Variants in ZNF576 observed in about 807,000 individuals in gnomAD.
The protein encoded by ZNF576 is zinc finger protein 576.
In ZNF576, 9 loss-of-function variants were observed where a neutral mutation model predicts 10.8. That is an observed-to-expected ratio of 0.84 (90% CI 0.50 to 1.46). The LOEUF is 1.46. ZNF576 is among the 40% of genes most tolerant of loss of function. The probability of loss-of-function intolerance (pLI) is 0.00; values close to 1 mark genes in which losing one functional copy is unlikely to be tolerated. For missense variants in ZNF576, 191 were observed against 233.7 expected (o/e 0.82, Z 1.19); for synonymous variants, 88 against 89.6 (o/e 0.98, Z 0.10).
In ZNF576 at chr19:43,599,358, C is replaced by T; in HGVS notation, c.*100C>T. ...AACTCTGGGGGCCCTGAAGGATTTG[C>T]TTCCCTCCCCTGGGAAGGCAGAGGG... On this transcript the variant is annotated 3_prime_UTR_variant, in exon 3 of 3. Coordinates refer to ENST00000336564, the MANE Select transcript of ZNF576 (RefSeq NM_001145347.2). The T allele has an allele frequency of 3.9e-6, 5 of 1,267,028 alleles. No individual in the cohort carries two copies. Among genetic ancestry groups the T allele is most frequent in the African/African-American group, 1.5e-5 (1 of 66,902 alleles). The allele number at this position is 1,267,028 out of a possible 1,614,324, so 78.5% of individuals were successfully genotyped here.
In ZNF576 at chr19:43,599,235, C is replaced by T. The variant is rs764776830; in HGVS notation, c.490C>T (p.Arg164Trp). The T allele has an allele frequency of 3.1e-6, 5 of 1,613,848 alleles. No homozygotes were observed. Among genetic ancestry groups the T allele is most frequent in the Middle Eastern group, 1.7e-4 (1 of 6,060 alleles). Residue 164 changes from arginine to tryptophan, a missense_variant, in exon 3 of 3, where the codon CGG becomes TGG. Transcript: ENST00000336564. ...QEAGLHQHYI[R>W]HARGEL ...AGCAGGGCTGCATCAACACTACATT[C>T]GGCATGCCCGGGGGGAGCTCTGAGT...
Position 43,599,014 on chromosome 19 carries a change from A to G in ZNF576, c.269A>G (p.Gln90Arg). The G allele has an allele frequency of 6.2e-7, 1 of 1,614,150 alleles. No individual in the cohort carries two copies. Among genetic ancestry groups the G allele is most frequent in the Non-Finnish European group, 8.5e-7 (1 of 1,180,026 alleles). ...FPSSKALITH[Q>R]RSHGPAAKPT... ...TCCTCCAAAGCCCTAATCACCCACC[A>G]GCGCAGCCACGGTCCAGCCGCCAAG... The change falls in exon 3 of 3, where the codon CAG becomes CGG. Residue 90 changes from glutamine (Q) to arginine (R), a missense_variant. Gln to Arg is a conservative substitution (Grantham distance 43). Coordinates refer to ENST00000336564, the MANE Select transcript of ZNF576 (RefSeq NM_001145347.2).
chr19:43,597,075 ACGCT>A lies in ZNF576; in HGVS notation c.-15-17_-15-14del. On this transcript the variant is annotated splice_polypyrimidine_tract_variant and intron_variant, in intron 1 of 2. Coordinates refer to ENST00000336564, the MANE Select transcript of ZNF576 (RefSeq NM_001145347.2). ...AACAGATGAACAGCTTCACTTATGC[ACGCT>A]CCTCTCCTGACTAGAAGGGTCCCAG... 6.2e-7 allele frequency: 1 copy of A among 1,609,762 alleles called. No individual in the cohort carries two copies. The highest frequency in any genetic ancestry group is 8.5e-7 in the Non-Finnish European group (1 of 1,176,180).
In ZNF576 at chr19:43,598,922, G is replaced by A. The variant is rs752687104; in HGVS notation, c.177G>A (p.Ala59=). The A allele has an allele frequency of 3.7e-6, 6 of 1,613,456 alleles. No individual in the cohort carries two copies. The highest frequency in any genetic ancestry group is 1.7e-4 in the Middle Eastern group (1 of 6,056). The change falls in exon 3 of 3, where the codon GCG becomes GCA. Residue 59 remains alanine (A), a synonymous_variant. Coordinates refer to ENST00000336564, the MANE Select transcript of ZNF576 (RefSeq NM_001145347.2). ...GTCACATGAAGCGGGAGCACCCAGC[G>A]GACTTCGTGGCCCAGAAGCTGCAGG... is the stretch of plus-strand genomic sequence containing the variant. ...QERHMKREHP[A]DFVAQKLQGV...
At chr19:43,597,790 TGAGGCA>T (rs1481500829) in intron 2 of ZNF576, among the ~76,000 whole-genome samples, 1 of 152,158 alleles carries the variant, frequency 6.6e-6, no homozygotes, top group Non-Finnish European at 1.5e-5. Flanking sequence ...AACTGGGAAC[TGAGGCA>T]GAGAGAGGTA....
intron 2 of ZNF576, chr19:43,597,534 A>C (rs2146104347): frequency 4.5e-6 from 1 of 223,436 alleles, no homozygotes; most frequent in South Asian, 5.8e-5. Context: ...CTAGACTTTC[A>C]GTGTAACTTG....
intron 2 of ZNF576, chr19:43,597,480 T>C (rs1428094761): frequency 3.1e-6 from 1 of 321,142 alleles, no homozygotes; most frequent in Non-Finnish European, 6.0e-6. Flanking sequence ...CTGGGAATGG[T>C]TCTATTGGGA....
intron 2 of ZNF576, chr19:43,597,425 G>C (rs745588924): frequency 4.3e-6 from 2 of 466,088 alleles, no homozygotes; most frequent in Non-Finnish European, 7.9e-6. Context: ...TATGCATTCA[G>C]AGGGATAGGG....
In ZNF576 at chr19:43,600,541, G is replaced by A. The variant is rs1220858347; in HGVS notation, c.*1283G>A. ...GACTGATTTCTGGCTAAATTCCTGG[G>A]TAGAACAGTCAAGCTTAAGAAAGGG... On this transcript the variant is annotated 3_prime_UTR_variant, in exon 3 of 3. Coordinates refer to ENST00000336564, the MANE Select transcript of ZNF576 (RefSeq NM_001145347.2). 1 of 152,212 alleles carries A rather than the reference G, an allele frequency of 6.6e-6. No homozygotes were observed. The highest frequency in any genetic ancestry group is 2.4e-5 in the African/African-American group (1 of 41,446). The allele number at this position is 152,212 out of a possible 1,614,324, so 9.4% of individuals were successfully genotyped here. A position where few individuals can be genotyped will look rare whatever the true frequency, so the allele number is the denominator to read the frequency against.
At chr19:43,596,588 AAGG>A (rs1389776854), upstream of ZNF576, 1 of 154,766 alleles carries the variant, frequency 6.5e-6, no homozygotes, top group Non-Finnish European at 1.4e-5. Context: ...CCTCTGCTGT[AAGG>A]AGGAAAACTG....
chr19:43,598,818 C>T lies in ZNF576; in HGVS notation c.86-13C>T, dbSNP rs78324509. On this transcript the variant is annotated splice_polypyrimidine_tract_variant and intron_variant, in intron 2 of 2. Coordinates refer to ENST00000336564, the MANE Select transcript of ZNF576 (RefSeq NM_001145347.2). Reference sequence around the variant, plus strand: ...CTGCTGGCCTCCCCTGACCTCTCCCCCACATTCCTCAGGCCACCTGGGGGC... The same window carrying T: ...CTGCTGGCCTCCCCTGACCTCTCCCTCACATTCCTCAGGCCACCTGGGGGC... The T allele has an allele frequency of 7.3e-5, 112 of 1,542,382 alleles. No homozygotes were observed. The African/African-American group carries it at 1.2e-3, about 16-fold the overall frequency.
chr19:43,598,798 G>T, intron 2 of ZNF576, 33 bp from the exon 3 acceptor site: 3 of 1,513,366 alleles, frequency 2.0e-6, no homozygotes, highest in South Asian at 2.6e-5. Flanking sequence ...GACTCCTGCT[G>T]GCCTCCCCTG....
chr19:43,596,830 T>G, intron 1 of ZNF576, 87 bp downstream of exon 1: 1 of 309,138 alleles, frequency 3.2e-6, no homozygotes, highest in Non-Finnish European at 6.1e-6. Flanking sequence ...GTTCAGGGAG[T>G]TAGTTTGATG....
chr19:43,597,445 G>A (rs1251048032), intron 2 of ZNF576: 2 of 401,278 alleles, frequency 5.0e-6, no homozygotes, highest in Non-Finnish European at 4.7e-6. Context: ...GTGGCTTCCA[G>A]GAGAGGCTTG....
chr19:43,597,371 G>C, intron 2 of ZNF576, 178 bp downstream of exon 2: 1 of 597,972 alleles, frequency 1.7e-6, no homozygotes, highest in Admixed American at 2.9e-5. Context: ...TATGTGGCCA[G>C]AGTACTCACC....
rs896733107 is a variant in ZNF576, at chr19:43,599,561, A to T, written c.*303A>T. On this transcript the variant is annotated 3_prime_UTR_variant, in exon 3 of 3. Transcript: ENST00000336564. Reference sequence around the variant, plus strand: ...CTCCCTTATTCCCAGTTAAATACCTAGCTGCAGATTGTGCCATCACCCTTC... The same window carrying T: ...CTCCCTTATTCCCAGTTAAATACCTTGCTGCAGATTGTGCCATCACCCTTC... The T allele has an allele frequency of 3.0e-5, 11 of 367,998 alleles. No individual in the cohort carries two copies. The highest frequency in any genetic ancestry group is 2.3e-4 in the African/African-American group (11 of 47,582). 22.8% of individuals were successfully genotyped at this position (367,998 alleles called of 1,614,324 possible).
intron 2 of ZNF576, chr19:43,597,433 G>C: frequency 2.3e-6 from 1 of 438,000 alleles, no homozygotes; most frequent in East Asian, 4.2e-5. Flanking sequence ...CAGAGGGATA[G>C]GGTGGCTTCC....
chr19:43,597,237 G>T (rs754086057), intron 2 of ZNF576, 44 bp downstream of exon 2: 1 of 1,564,214 alleles, frequency 6.4e-7, no homozygotes, highest in Non-Finnish European at 8.8e-7. Flanking sequence ...TGGGGTGCAG[G>T]AGCTGATGCT....
chr19:43,596,652 A>G lies in ZNF576; in HGVS notation c.-107A>G, dbSNP rs1973147039. ...CAGCGCTTGAGGGTAGCGGGATAGC[A>G]GCTGCAAGCGCGCGTGGGAGGCGGG... On this transcript the variant is annotated 5_prime_UTR_variant, in exon 1 of 3. Coordinates refer to ENST00000336564, the MANE Select transcript of ZNF576 (RefSeq NM_001145347.2). 6.2e-6 allele frequency: 1 copy of G among 161,124 alleles called. No individual in the cohort carries two copies. Among genetic ancestry groups the G allele is most frequent in the Non-Finnish European group, 1.4e-5 (1 of 72,628 alleles). 10.0% of individuals were successfully genotyped at this position (161,124 alleles called of 1,614,324 possible). A position where few individuals can be genotyped will look rare whatever the true frequency, so the allele number is the denominator to read the frequency against.
Sources: allele counts gnomAD v4.1 joint callset (sites outside exome capture counted in the v4.1 genomes callset), GRCh38; gene constraint gnomAD v4.1.1; transcripts MANE v1.5; gene names NCBI Gene and HGNC (gene_info 2026-07-23, HGNC 2026-07-21).